EVL: variants seen among roughly 807,000 people sequenced by gnomAD.
EVL encodes the protein ena/VASP-like protein.
Under a neutral mutation model 59.6 loss-of-function variants are expected in EVL, and 21 were observed. The observed-to-expected ratio is 0.35, with a 90% CI of 0.25 to 0.51. The LOEUF (loss-of-function observed/expected upper bound fraction) is 0.51. Ranked by LOEUF, EVL falls within the 20% of genes least tolerant of loss-of-function variation. The pLI, the probability that EVL is intolerant of heterozygous loss-of-function variation, is 0.97. For missense variants in EVL, 462 were observed against 546.6 expected (o/e 0.85, Z 1.54); for synonymous variants, 198 against 203.5 (o/e 0.97, Z 0.23).
intron 1 of EVL, among the ~76,000 whole-genome samples, chr14:100,020,302 T>C (rs930527898): frequency 6.6e-6 from 1 of 152,172 alleles, no homozygotes; most frequent in Non-Finnish European, 1.5e-5. Context: ...TTGTGAATCT[T>C]ACTCCCTCTC....
intron 1 of EVL, among the ~76,000 whole-genome samples, chr14:100,007,855 G>A (rs1190998): frequency 0.36 from 54,682 of 152,042 alleles, 13,703 homozygotes; most frequent in African/African-American, 0.71. Flanking sequence ...CAGCTTTCCT[G>A]GTTCTGCCCT....
At chr14:100,138,173 G>A in intron 11 of EVL, 1 of 333,404 alleles carries the variant, frequency 3.0e-6, no homozygotes, top group Non-Finnish European at 5.6e-6. Flanking sequence ...GCACAGGGTG[G>A]TGGTGGGGAC....
intron 3 of EVL, among the ~76,000 whole-genome samples, chr14:100,122,634 C>T (rs1271015131): frequency 6.6e-6 from 1 of 152,166 alleles, no homozygotes; most frequent in Non-Finnish European, 1.5e-5. Flanking sequence ...AGCCACTTCC[C>T]CATCTTGTCA....
intron 8 of EVL, chr14:100,135,333 A>G (rs1322181293): frequency 1.3e-5 from 2 of 152,416 alleles, no homozygotes; most frequent in African/African-American, 4.8e-5. Context: ...CCGCCTGTCA[A>G]CAGCTCAAAT....
upstream of EVL, among the ~76,000 whole-genome samples, chr14:100,064,687 G>C (rs2061895298): frequency 6.6e-6 from 1 of 152,230 alleles, no homozygotes; most frequent in Non-Finnish European, 1.5e-5. Context: ...AAGGCAGGCG[G>C]ATCACCTGAG....
intron 3 of EVL, among the ~76,000 whole-genome samples, chr14:100,120,787 T>C (rs1225138890): frequency 2.0e-5 from 3 of 152,104 alleles, no homozygotes; most frequent in Admixed American, 1.3e-4. Flanking sequence ...GTGCAGGTCA[T>C]GTCTGTGTTT....
intron 3 of EVL, chr14:100,102,306 G>A (rs1886272371): frequency 2.2e-6 from 1 of 455,906 alleles, no homozygotes; most frequent in Admixed American, 2.4e-5. Context: ...CTCCCCAGGT[G>A]CGTGCATCCT....
At chr14:100,042,542 C>G (rs1038869008) in intron 1 of EVL, among the ~76,000 whole-genome samples, 1 of 152,110 alleles carries the variant, frequency 6.6e-6, no homozygotes. Context: ...ATCTCTGGGC[C>G]CTGGGCCCAG....
chr14:100,078,349 C>T (rs1254545123), intron 1 of EVL, among the ~76,000 whole-genome samples: 2 of 151,878 alleles, frequency 1.3e-5, no homozygotes, highest in African/African-American at 4.8e-5. Flanking sequence ...TCACAGAGAG[C>T]GAAGTGGAAT....
At chr14:100,022,761 T>G (rs1322292233) in intron 1 of EVL, among the ~76,000 whole-genome samples, 1 of 152,214 alleles carries the variant, frequency 6.6e-6, no homozygotes, top group Non-Finnish European at 1.5e-5. Context: ...ACAGTGCATT[T>G]TAACCAGAAC....
intron 1 of EVL, among the ~76,000 whole-genome samples, chr14:99,980,223 CTTAAA>C (rs756386756): frequency 2.0e-5 from 3 of 152,110 alleles, no homozygotes; most frequent in Non-Finnish European, 4.4e-5. Flanking sequence ...GAGATGGAGA[CTTAAA>C]TTATATTTTT....
At chr14:100,005,083 C>T (rs1180926494) in intron 1 of EVL, among the ~76,000 whole-genome samples, 1 of 152,174 alleles carries the variant, frequency 6.6e-6, no homozygotes, top group Non-Finnish European at 1.5e-5. Context: ...CTTGCCATTG[C>T]AAAATTATAA....
chr14:100,122,834 G>T (rs1013214913), intron 3 of EVL, among the ~76,000 whole-genome samples: 4 of 152,222 alleles, frequency 2.6e-5, no homozygotes, highest in African/African-American at 9.7e-5. Flanking sequence ...TGAACAGGAG[G>T]TCTGCACAGC....
At chr14:100,006,006 A>G (rs1056987596) in intron 1 of EVL, among the ~76,000 whole-genome samples, 2 of 56,038 alleles carry the variant, frequency 3.6e-5, no homozygotes, top group African/African-American at 1.5e-4. Context: ...TTTGCTGGCC[A>G]TTTCCCCCCC....
intron 8 of EVL, among the ~76,000 whole-genome samples, chr14:100,133,741 C>T (rs1229410845): frequency 1.3e-5 from 2 of 152,200 alleles, no homozygotes; most frequent in Admixed American, 6.5e-5. Context: ...AGTTTGAGAC[C>T]AGCCTGGCCA....
At chr14:100,015,520 TA>T (rs1214053657) in intron 1 of EVL, among the ~76,000 whole-genome samples, 2 of 152,106 alleles carry the variant, frequency 1.3e-5, no homozygotes, top group African/African-American at 4.8e-5. Context: ...GGAATGACAC[TA>T]GAAAGAGGAA....
rs553709610 is a variant in EVL at position 100,111,669 on chromosome 14, G to T, written c.359-11870G>T. On this transcript the variant is annotated intron_variant, in intron 3 of 13. Coordinates refer to ENST00000392920, the MANE Select transcript of EVL (RefSeq NM_016337.3). Reference sequence around the variant, plus strand: ...GTGTGCCACCACCCAGAGCTAAGCCGTATACTCCTTACAGAAAGGAACAAA... The same window carrying T: ...GTGTGCCACCACCCAGAGCTAAGCCTTATACTCCTTACAGAAAGGAACAAA... 2.0e-5 allele frequency among the ~76,000 whole-genome samples: 3 copies of T among 152,240 alleles called. No homozygotes were observed. In the East Asian group the frequency reaches 5.8e-4, roughly 29 times the overall value.
chr14:100,103,859 G>A (rs1886388837), intron 3 of EVL, among the ~76,000 whole-genome samples: 1 of 152,202 alleles, frequency 6.6e-6, no homozygotes, highest in African/African-American at 2.4e-5. Context: ...ACAAGCTCCT[G>A]AGGGCAAGGA....
intron 1 of EVL, among the ~76,000 whole-genome samples, chr14:100,059,174 A>G (rs2061781130): frequency 6.6e-6 from 1 of 152,266 alleles, no homozygotes; most frequent in Non-Finnish European, 1.5e-5. Context: ...GCAACTGAAT[A>G]TACAAAGGGT....
Sources: allele counts gnomAD v4.1 joint callset (sites outside exome capture counted in the v4.1 genomes callset), GRCh38; gene constraint gnomAD v4.1.1; transcripts MANE v1.5; gene names NCBI Gene and HGNC (gene_info 2026-07-23, HGNC 2026-07-21).